The following INPP5J variants were observed in gnomAD, a reference collection of about 807,000 sequenced individuals.
INPP5J encodes the protein inositol polyphosphate-5-phosphatase J.
A neutral mutation model predicts 86.6 loss-of-function variants in INPP5J; 75 were observed. That is an observed-to-expected ratio of 0.87 (90% CI 0.72 to 1.05). The LOEUF is 1.05. Among genes scored for constraint, INPP5J ranks in the 50% least tolerant of loss-of-function variants. The pLI is 0.00. For missense variants in INPP5J, 1,229 were observed against 1,341.2 expected, an observed-to-expected ratio of 0.92 and a Z score of 1.31; for synonymous variants, 540 against 550.0, an observed-to-expected ratio of 0.98 and a Z score of 0.25.
intron 9 of INPP5J, among the ~76,000 whole-genome samples, chr22:31,131,260 C>A (rs1034079208): frequency 6.6e-6 from 1 of 152,182 alleles, no homozygotes; most frequent in African/African-American, 2.4e-5. Flanking sequence ...CTCCAGGACT[C>A]TGTCCCTTTA....
chr22:31,125,245 A>T lies in INPP5J; in HGVS notation c.506A>T (p.Glu169Val), dbSNP rs1490001369. 6.4e-7 allele frequency: 1 copy of T among 1,550,434 alleles called. No individual in the cohort carries two copies. Among genetic ancestry groups the T allele is most frequent in the South Asian group, 1.2e-5 (1 of 84,058 alleles). The change falls in exon 2 of 13, where the codon GAG becomes GTG. Residue 169 changes from glutamate (E) to valine (V), a missense_variant. Coordinates refer to ENST00000331075, the MANE Select transcript of INPP5J (RefSeq NM_001284285.2). ...CCAACCTCCAGAGACCAGAAGCAGG[A>T]GCCACCTGCCTCCGTGGGACCCAAG... ...LAPTSRDQKQ[E>V]PPASVGPKPT... is the part of the protein sequence containing the mutation.
rs1921193034 is a variant in INPP5J, at chr22:31,124,779, A to G, written c.106-66A>G. 2.2e-6 allele frequency: 3 copies of G among 1,365,664 alleles called. No individual in the cohort carries two copies. In the Admixed American group the frequency reaches 5.9e-5, roughly 27 times the overall value. The allele number at this position is 1,365,664 out of a possible 1,614,324, so 84.6% of individuals were successfully genotyped here. A position where few individuals can be genotyped will look rare whatever the true frequency, so the allele number is the denominator to read the frequency against. ...AGCTAGATGAACTCTGCCAGGGTCT[A>G]TATGGAAGTTGGGGCCCAATGCCCT... On this transcript the variant is annotated intron_variant, in intron 1 of 12. Transcript: ENST00000331075.
intron 6 of INPP5J, 81 bp downstream of exon 6, chr22:31,127,613 G>A: frequency 1.4e-6 from 2 of 1,405,080 alleles, no homozygotes; most frequent in Non-Finnish European, 1.9e-6. Context: ...TGGGGCTTAT[G>A]GAGAGAGGCA....
intron 11 of INPP5J, 37 bp from the exon 12 acceptor site, chr22:31,133,573 G>T (rs972870952): frequency 4.4e-6 from 7 of 1,596,444 alleles, no homozygotes; most frequent in Non-Finnish European, 6.0e-6. Context: ...TGGCCTCCCT[G>T]ACCCCCAACT....
At chr22:31,128,675 C>G (rs1308841380) in intron 9 of INPP5J, 21 bp downstream of exon 9, 2 of 1,545,554 alleles carry the variant, frequency 1.3e-6, no homozygotes, top group South Asian at 1.2e-5. Context: ...GCCTCATCCT[C>G]CCCGCATGAA....
Position 31,133,635 on chromosome 22 carries a change from C to T in INPP5J, c.2435C>T (p.Pro812Leu). The T allele has an allele frequency of 1.9e-6, 3 of 1,612,588 alleles. No individual in the cohort carries two copies. Among genetic ancestry groups the T allele is most frequent in the East Asian group, 4.5e-5 (2 of 44,842 alleles). The stretch of plus-strand genomic sequence containing the variant: ...GTAACATTCAGTGAGGAATCACTGC[C>T]CAAGGGCCATGGAGACTTCATCCTG... Reference protein sequence around the residue: ...YQVTFSEESLPKGHGDFILGY... With the variant: ...YQVTFSEESLLKGHGDFILGY... The change falls in exon 12 of 13, where the codon CCC becomes CTC. Residue 812 changes from proline to leucine, a missense_variant. Pro to Leu is a moderately conservative substitution (Grantham distance 98, BLOSUM62 -3). Coordinates refer to ENST00000331075, the MANE Select transcript of INPP5J (RefSeq NM_001284285.2).
intron 9 of INPP5J, among the ~76,000 whole-genome samples, chr22:31,130,904 G>A (rs1247431063): frequency 6.6e-6 from 1 of 152,132 alleles, no homozygotes; most frequent in Admixed American, 6.5e-5. Context: ...GGGATCTGAG[G>A]CTCCTCATGG....
In INPP5J at chr22:31,125,005, T is replaced by A; in HGVS notation, c.266T>A (p.Leu89Gln). ...LASPRPILAP[L>Q]CTPEGQKTAT... ...TCTCCCCGACCAATCCTGGCTCCAC[T>A]GTGTACCCCTGAAGGGCAGAAAACA... The change falls in exon 2 of 13, where the codon CTG becomes CAG. Residue 89 changes from leucine to glutamine, a missense_variant. Transcript: ENST00000331075. The A allele has an allele frequency of 6.4e-7, 1 of 1,569,674 alleles. No homozygotes were observed. The highest frequency in any genetic ancestry group is 8.6e-7 in the Non-Finnish European group (1 of 1,157,514).
At chr22:31,130,389 C>G (rs552617568) in intron 9 of INPP5J, among the ~76,000 whole-genome samples, 33 of 151,852 alleles carry the variant, frequency 2.2e-4, no homozygotes, top group Middle Eastern at 6.8e-3. Flanking sequence ...TGGTGCACAC[C>G]TGTATTCCCA....
rs778515402 is a variant in INPP5J at position 31,125,997 on chromosome 22, G to A, written c.1258G>A (p.Asp420Asn). 2.3e-5 allele frequency: 36 copies of A among 1,572,608 alleles called. No individual in the cohort carries two copies. Among genetic ancestry groups the A allele is most frequent in the Non-Finnish European group, 2.9e-5 (34 of 1,156,458 alleles). The change falls in exon 2 of 13, where the codon GAC becomes AAC. Residue 420 changes from aspartate (D) to asparagine (N), a missense_variant. Physicochemically the swap from Asp to Asn is conservative, Grantham distance 23. Coordinates refer to ENST00000331075, the MANE Select transcript of INPP5J (RefSeq NM_001284285.2). ...GTCAGCTCAGCCTACCTGGAAGAGC[G>A]ACCCCGGCTTCCGGTGAGGGGGCCC... ...PWSAQPTWKS[D>N]PGFRITVVTW...
chr22:31,131,608 C>A (rs1375612612), intron 9 of INPP5J, among the ~76,000 whole-genome samples: 1 of 152,054 alleles, frequency 6.6e-6, no homozygotes, highest in Admixed American at 6.6e-5. Context: ...ACATGCCAGG[C>A]CTGTGTAGTG....
chr22:31,128,493 T>C lies in INPP5J; in HGVS notation c.2032T>C (p.Trp678Arg). The change falls in exon 9 of 13, where the codon TGG (tryptophan) becomes CGG (arginine). Residue 678 changes from tryptophan (W) to arginine (R), a missense_variant. By Grantham distance (101) the Trp-to-Arg change is moderately radical. Coordinates refer to ENST00000331075, the MANE Select transcript of INPP5J (RefSeq NM_001284285.2). ...CAGTGCCAAGAAACGGAAGCCAGCT[T>C]GGACAGACCGTATCCTATGGAAGGT... The part of the protein sequence containing the change: ...DTSAKKRKPA[W>R]TDRILWKVKA... The C allele has an allele frequency of 6.2e-7, 1 of 1,613,488 alleles. No individual in the cohort carries two copies. The highest frequency in any genetic ancestry group is 8.5e-7 in the Non-Finnish European group (1 of 1,179,862).
In INPP5J at chr22:31,125,589, C is replaced by T. The variant is rs1270440169; in HGVS notation, c.850C>T (p.Arg284Trp). 1.7e-5 allele frequency: 26 copies of T among 1,550,404 alleles called. No individual in the cohort carries two copies. The highest frequency in any genetic ancestry group is 1.2e-4 in the East Asian group (5 of 40,932). The change falls in exon 2 of 13, where the codon CGG becomes TGG. Residue 284 changes from arginine to tryptophan, a missense_variant. Coordinates refer to ENST00000331075, the MANE Select transcript of INPP5J (RefSeq NM_001284285.2). ...DPRLSPSFRA[R>W]PEALHSSPED... Reference sequence around the variant, plus strand: ...TCGGCTCTCCCCCTCCTTCCGAGCCCGGCCTGAGGCCCTCCACAGCAGCCC... The same window carrying T: ...TCGGCTCTCCCCCTCCTTCCGAGCCTGGCCTGAGGCCCTCCACAGCAGCCC...
At position 31,125,684 on chromosome 22, in the gene INPP5J, T is replaced by C. The variant is rs1921314345; in HGVS notation, c.945T>C (p.Pro315=). The change falls in exon 2 of 13, where the codon CCT becomes CCC. Residue 315 remains proline, a synonymous_variant. Transcript: ENST00000331075. ...ATGTGGGCCAGGGTCCTTCAGAGCC[T>C]GGCACTCACTCCCCTGGACTTCTGT... is the stretch of plus-strand genomic sequence containing the variant. The part of the protein sequence containing the change: ...PLDVGQGPSE[P]GTHSPGLLSP... 8.4e-6 allele frequency: 13 copies of C among 1,550,738 alleles called. No individual in the cohort carries two copies. Among genetic ancestry groups the C allele is most frequent in the Admixed American group, 2.0e-5 (1 of 50,988 alleles).
rs748333646 is a variant in INPP5J at position 31,125,474 on chromosome 22, T to A, written c.735T>A (p.Pro245=). Residue 245 remains proline (P), a synonymous_variant, in exon 2 of 13, where the codon CCT becomes CCA. Transcript: ENST00000331075. ...AGAGGGATGCCCCAGCCCCTAGACC[T>A]CTCCCTGCTTCTGAGGGGCATCTCC... ...ARKRDAPAPR[P]LPASEGHLQP... is the part of the protein sequence containing the mutation. 7.1e-6 allele frequency: 11 copies of A among 1,549,420 alleles called. No individual in the cohort carries two copies. In the South Asian group the frequency reaches 1.3e-4, roughly 18 times the overall value.
Position 31,124,913 on chromosome 22 carries a change from T to C in INPP5J, c.174T>C (p.Ala58=), listed in dbSNP as rs199515347. Residue 58 remains alanine (A), a synonymous_variant, in exon 2 of 13, where the codon GCT becomes GCC. Coordinates refer to ENST00000331075, the MANE Select transcript of INPP5J (RefSeq NM_001284285.2). ...AALGPSEPRL[A]LAPVGPRAAM... ...TAGGACCCTCGGAACCAAGGTTGGCTCTGGCACCTGTAGGGCCACGGGCAG... is the reference window on the plus strand; with the variant it reads ...TAGGACCCTCGGAACCAAGGTTGGCCCTGGCACCTGTAGGGCCACGGGCAG... The C allele has an allele frequency of 6.2e-7, 1 of 1,613,868 alleles. No individual in the cohort carries two copies. The highest frequency in any genetic ancestry group is 1.3e-5 in the African/African-American group (1 of 75,008).
At chr22:31,133,359 A>G in intron 10 of INPP5J, 47 bp from the exon 11 acceptor site, 1 of 1,606,038 alleles carries the variant, frequency 6.2e-7, no homozygotes, top group Non-Finnish European at 8.5e-7. Context: ...TGCTGGGATC[A>G]GACATTATAG....
upstream of INPP5J, chr22:31,122,927 T>C: frequency 1.1e-6 from 1 of 917,618 alleles, no homozygotes. Context: ...TCTCAGCAGG[T>C]TGAAATGGCT....
intron 9 of INPP5J, among the ~76,000 whole-genome samples, chr22:31,129,440 G>A (rs7291682): frequency 0.74 from 110,719 of 149,330 alleles, 41,909 homozygotes; most frequent in South Asian, 0.93. Flanking sequence ...GGGTTTCACC[G>A]TGTTGGCCAG....
Sources: allele counts gnomAD v4.1 joint callset (sites outside exome capture counted in the v4.1 genomes callset), GRCh38; gene constraint gnomAD v4.1.1; transcripts MANE v1.5; gene names NCBI Gene and HGNC (gene_info 2026-07-23, HGNC 2026-07-21).